The following MYO3A variants were observed in gnomAD, a reference collection of about 807,000 sequenced individuals.
MYO3A encodes myosin-IIIa.
MYO3A carries 180 observed loss-of-function variants against 192.7 expected under a neutral mutation model. That is an observed-to-expected ratio of 0.93 (90% CI 0.83 to 1.06). MYO3A has a LOEUF of 1.06. Ranked by LOEUF, MYO3A falls within the 50% of genes least tolerant of loss-of-function variation. The probability of loss-of-function intolerance (pLI) is 0.00; values close to 1 mark genes in which losing one functional copy is unlikely to be tolerated. For missense variants in MYO3A, 1,896 were observed against 1,905.0 expected (o/e 1.00, Z 0.09); for synonymous variants, 628 against 645.3 (o/e 0.97, Z 0.41).
chr10:26,072,671 A>G (rs776193424), intron 14 of MYO3A, among the ~76,000 whole-genome samples: 3 of 148,146 alleles, frequency 2.0e-5, no homozygotes, highest in African/African-American at 5.1e-5. Context: ...TTCAAGCTCC[A>G]AGACCAGAAG....
chr10:26,128,693 C>A (rs1839363820), intron 20 of MYO3A, among the ~76,000 whole-genome samples, 155 bp downstream of exon 20: 1 of 151,994 alleles, frequency 6.6e-6, no homozygotes, highest in South Asian at 2.1e-4. Flanking sequence ...TAAAAACAAA[C>A]AAAAACAAAA....
intron 2 of MYO3A, among the ~76,000 whole-genome samples, chr10:25,939,371 C>A (rs545536683): frequency 6.6e-6 from 1 of 151,756 alleles, no homozygotes; most frequent in African/African-American, 2.4e-5. Context: ...TTAATTTATA[C>A]CCTTCTCTTT....
intron 10 of MYO3A, among the ~76,000 whole-genome samples, chr10:26,048,620 G>C (rs1386022539): frequency 6.6e-6 from 1 of 152,020 alleles, no homozygotes; most frequent in Non-Finnish European, 1.5e-5. Context: ...CCAGACTAAA[G>C]TATAGATGTT....
intron 23 of MYO3A, among the ~76,000 whole-genome samples, chr10:26,153,203 A>G (rs1840905797): frequency 6.6e-6 from 1 of 152,224 alleles, no homozygotes; most frequent in East Asian, 1.9e-4. Flanking sequence ...CTCTGTGAGG[A>G]AATCACCATT....
chr10:25,990,741 T>G (rs1378390659), intron 4 of MYO3A, among the ~76,000 whole-genome samples: 1 of 146,720 alleles, frequency 6.8e-6, no homozygotes, highest in Non-Finnish European at 1.5e-5. Context: ...AATTCTTACC[T>G]GTGAGTGAGA....
chr10:25,946,046 T>C lies in MYO3A; in HGVS notation c.-17-6048T>C, dbSNP rs574505274. On this transcript the variant is annotated intron_variant, in intron 2 of 34. Transcript: ENST00000642920. ...GATGTCACAAATTACGTTTTATATA[T>C]TGTATCCCCACTTAACATAGATTTA... Among the ~76,000 whole-genome samples the C allele has an allele frequency of 5.9e-5, 9 of 152,312 alleles. No homozygotes were observed. In the East Asian group the frequency reaches 1.7e-3, roughly 29 times the overall value.
Position 26,067,024 on chromosome 10 carries a change from T to C in MYO3A, c.1003T>C (p.Ser335Pro), listed in dbSNP as rs45473691. The stretch of plus-strand genomic sequence containing the variant: ...AGGGAACTTCAACCGACCTCTAATA[T>C]CCAATCTGAAGGATGTAGATGATTT... ...KKGNFNRPLI[S>P]NLKDVDDLAT... is the part of the protein sequence containing the mutation. Residue 335 changes from serine (S) to proline (P), a missense_variant, in exon 11 of 35, where the codon TCC becomes CCC. Transcript: ENST00000642920. 2.0e-5 allele frequency: 33 copies of C among 1,613,172 alleles called. No individual in the cohort carries two copies. The highest frequency in any genetic ancestry group is 2.7e-5 in the Non-Finnish European group (32 of 1,179,312).
In MYO3A at chr10:26,159,531, C is replaced by T. The variant is rs1350073939; in HGVS notation, c.2999+2016C>T. Among the ~76,000 whole-genome samples the T allele has an allele frequency of 4.6e-5, 7 of 150,906 alleles. No individual in the cohort carries two copies. The South Asian group carries it at 1.5e-3, about 32-fold the overall frequency. ...AGTAGCTGGGACTACAGGTGCCCAC[C>T]ACCACGCCCGGCTAATTTTTTGTAT... On this transcript the variant is annotated intron_variant, in intron 26 of 34. Transcript: ENST00000642920.
chr10:26,043,247 C>T (rs1258189811), intron 10 of MYO3A, among the ~76,000 whole-genome samples: 1 of 151,830 alleles, frequency 6.6e-6, no homozygotes, highest in Admixed American at 6.6e-5. Context: ...TGGGACTGCA[C>T]TGAGTCAGAC....
intron 4 of MYO3A, among the ~76,000 whole-genome samples, chr10:25,991,895 C>G (rs996272267): frequency 6.6e-6 from 1 of 152,156 alleles, no homozygotes; most frequent in African/African-American, 2.4e-5. Flanking sequence ...GTACCAGTAC[C>G]ATGCTGTTTT....
chr10:25,982,437 G>A (rs1839392723), intron 4 of MYO3A, among the ~76,000 whole-genome samples: 1 of 152,086 alleles, frequency 6.6e-6, no homozygotes, highest in Non-Finnish European at 1.5e-5. Context: ...GCTCTCTATA[G>A]GACTGCAGCT....
chr10:26,101,948 T>G (rs978620275), intron 17 of MYO3A, among the ~76,000 whole-genome samples: 1 of 152,220 alleles, frequency 6.6e-6, no homozygotes, highest in Non-Finnish European at 1.5e-5. Context: ...TGTCCTGCCT[T>G]GCTTGGTTAG....
intron 14 of MYO3A, among the ~76,000 whole-genome samples, chr10:26,072,418 A>AGTT (rs1463977822): frequency 6.6e-6 from 1 of 152,170 alleles, no homozygotes; most frequent in Non-Finnish European, 1.5e-5. Flanking sequence ...AGGAAATGGG[A>AGTT]GCTGTCTCAA....
At chr10:26,034,621 A>C (rs894660641) in intron 10 of MYO3A, among the ~76,000 whole-genome samples, 1 of 152,242 alleles carries the variant, frequency 6.6e-6, no homozygotes, top group East Asian at 1.9e-4. Flanking sequence ...CCATCATTAA[A>C]ATACATGGCC....
At chr10:26,123,311 A>T (rs1015118606) in intron 18 of MYO3A, among the ~76,000 whole-genome samples, 2 of 152,322 alleles carry the variant, frequency 1.3e-5, no homozygotes, top group Non-Finnish European at 2.9e-5. Context: ...TATTTGCAAC[A>T]TATATATCAA....
intron 4 of MYO3A, among the ~76,000 whole-genome samples, chr10:25,995,984 C>T (rs1200890407): frequency 6.6e-6 from 1 of 152,238 alleles, no homozygotes; most frequent in Non-Finnish European, 1.5e-5. Flanking sequence ...TGTCCGTTCT[C>T]AGATCTTAAA....
chr10:25,963,522 G>A (rs1838072106), intron 4 of MYO3A, among the ~76,000 whole-genome samples: 1 of 152,156 alleles, frequency 6.6e-6, no homozygotes, highest in Non-Finnish European at 1.5e-5. Flanking sequence ...TAAAGCCTTT[G>A]CGGACTTGTA....
chr10:26,093,123 G>A (rs1185735697), intron 15 of MYO3A, among the ~76,000 whole-genome samples: 1 of 152,146 alleles, frequency 6.6e-6, no homozygotes, highest in Admixed American at 6.5e-5. Context: ...ACACTTAACT[G>A]ATACAAATGT....
At chr10:26,137,071 G>A (rs1216520989) in intron 20 of MYO3A, among the ~76,000 whole-genome samples, 1 of 151,984 alleles carries the variant, frequency 6.6e-6, no homozygotes, top group Non-Finnish European at 1.5e-5. Flanking sequence ...TTGGTCTGGT[G>A]TGTACTAATG....
Sources: gnomAD v4.1 joint callset for allele counts (sites outside exome capture counted in the v4.1 genomes callset) on GRCh38, gnomAD v4.1.1 for gene constraint, MANE v1.5 for transcripts, NCBI Gene and HGNC (gene_info 2026-07-23, HGNC 2026-07-21) for gene names.